The following DAB1 variants were observed in gnomAD, a reference collection of about 807,000 sequenced individuals.
DAB1 encodes DAB adaptor protein 1.
DAB1 carries 15 observed loss-of-function variants against 64.6 expected under a neutral mutation model. The ratio of observed to expected loss-of-function variants is 0.23; its 90% CI spans 0.16 to 0.36. The LOEUF (loss-of-function observed/expected upper bound fraction) is 0.36, where lower values mean the gene tolerates loss of function less well. DAB1 is among the 10% of genes least tolerant of loss of function. The pLI is 1.00. For missense variants in DAB1, 596 were observed against 706.7 expected (o/e 0.84, Z 1.78); for synonymous variants, 235 against 251.9 (o/e 0.93, Z 0.64).
At chr1:57,746,367 A>G (rs1164449079) in intron 6 of DAB1, among the ~76,000 whole-genome samples, 1 of 152,108 alleles carries the variant, frequency 6.6e-6, no homozygotes, top group African/African-American at 2.4e-5. Context: ...CTTCACCAAC[A>G]CTTGATCTTG....
At chr1:57,312,076 T>C (rs541111082) in intron 1 of DAB1, among the ~76,000 whole-genome samples, 28 of 152,336 alleles carry the variant, frequency 1.8e-4, no homozygotes, top group African/African-American at 6.5e-4. Flanking sequence ...TGACTGTTGT[T>C]ACTCTCTGTC....
intron 8 of DAB1, 25 bp downstream of exon 8, chr1:57,069,335 G>C (rs367833271): frequency 6.3e-7 from 1 of 1,592,650 alleles, no homozygotes; most frequent in African/African-American, 1.3e-5. Flanking sequence ...TGGTGCAATG[G>C]TAAGAGAGGC....
intron 3 of DAB1, among the ~76,000 whole-genome samples, chr1:58,459,366 A>C (rs1645221377): frequency 6.6e-6 from 1 of 152,218 alleles, no homozygotes; most frequent in South Asian, 2.1e-4. Flanking sequence ...TGGGCTGTGT[A>C]ATCTGAAAGC....
In DAB1 at chr1:56,996,753, T is replaced by A. The variant is rs142218510; in HGVS notation, c.*1391A>T. 5 of 152,470 alleles carry A rather than the reference T, an allele frequency of 3.3e-5. No individual in the cohort carries two copies. In the East Asian group the frequency reaches 9.6e-4, roughly 29 times the overall value. 9.4% of individuals were successfully genotyped at this position (152,470 alleles called of 1,614,324 possible). A position where few individuals can be genotyped will look rare whatever the true frequency, so the allele number is the denominator to read the frequency against. On this transcript the variant is annotated 3_prime_UTR_variant, in exon 15 of 15. Coordinates refer to ENST00000371236, the MANE Select transcript of DAB1 (RefSeq NM_001365792.1). ...CCCTGCACTCCAGCTTCCTACCATA[T>A]GCTCCAGAATAACGTCTGGAAAGTG...
intron 7 of DAB1, among the ~76,000 whole-genome samples, chr1:57,642,145 C>G (rs968449578): frequency 1.3e-5 from 2 of 151,640 alleles, no homozygotes; most frequent in African/African-American, 4.9e-5. Flanking sequence ...AATAAAGATG[C>G]AAAACAAACA....
At chr1:58,285,823 T>A (rs1270136192) in intron 4 of DAB1, among the ~76,000 whole-genome samples, 1 of 152,140 alleles carries the variant, frequency 6.6e-6, no homozygotes, top group Non-Finnish European at 1.5e-5. Context: ...TATTTTAAAA[T>A]TAATATGGAA....
intron 3 of DAB1, among the ~76,000 whole-genome samples, chr1:57,142,643 C>G (rs1261104177): frequency 6.6e-6 from 1 of 150,878 alleles, no homozygotes; most frequent in Non-Finnish European, 1.5e-5. Context: ...CACACACACA[C>G]ACACACGGTT....
intron 6 of DAB1, among the ~76,000 whole-genome samples, chr1:57,754,069 A>G (rs528770795): frequency 6.6e-6 from 1 of 152,312 alleles, no homozygotes; most frequent in South Asian, 2.1e-4. Flanking sequence ...ATGAGAGCTT[A>G]TCTCATCCTC....
chr1:58,102,851 G>T (rs1344287328), intron 5 of DAB1, among the ~76,000 whole-genome samples: 3 of 152,184 alleles, frequency 2.0e-5, no homozygotes, highest in Non-Finnish European at 4.4e-5. Flanking sequence ...ATGCAGAGTA[G>T]AATTTTACAG....
intron 3 of DAB1, among the ~76,000 whole-genome samples, chr1:58,453,478 C>T (rs1299842489): frequency 3.3e-5 from 5 of 152,236 alleles, no homozygotes; most frequent in African/African-American, 1.2e-4. Context: ...TCCTTCACTC[C>T]TGTCAGCCTA....
In DAB1 at chr1:58,254,662, C is replaced by G. The variant is rs187884914; in HGVS notation, n.309+88690G>C. 7.4e-4 allele frequency among the ~76,000 whole-genome samples: 33 copies of G among 44,776 alleles called. 4 individuals are homozygous for G. Among genetic ancestry groups the G allele is most frequent in the East Asian group, 1.5e-3 (1 of 670 alleles). The allele number at this position is 44,776 out of a possible 152,430, so 29.4% of individuals were successfully genotyped here. ...TGCGGTGTTTGGTTTTTTGTTCTTG[C>G]ATAGTTTACTGAGAATGATGGTTTC... On this transcript the variant is annotated intron_variant and non_coding_transcript_variant, in intron 4 of 20. Transcript: ENST00000485760.
intron 5 of DAB1, among the ~76,000 whole-genome samples, chr1:58,125,585 G>C (rs1653015724): frequency 6.6e-6 from 1 of 151,862 alleles, no homozygotes; most frequent in Non-Finnish European, 1.5e-5. Context: ...GGGACTACAG[G>C]AGCATGCCAC....
chr1:57,690,694 ATT>A (rs988446558), intron 6 of DAB1, among the ~76,000 whole-genome samples: 2 of 152,090 alleles, frequency 1.3e-5, no homozygotes, highest in African/African-American at 4.8e-5. Flanking sequence ...TGGTAGCCCG[ATT>A]TTTAGTTTTT....
intron 5 of DAB1, among the ~76,000 whole-genome samples, chr1:58,013,577 G>C (rs1408687856): frequency 2.6e-5 from 4 of 152,154 alleles, no homozygotes; most frequent in African/African-American, 9.7e-5. Flanking sequence ...AGAGTCTGTT[G>C]GACAGTAAAT....
chr1:57,213,344 T>C (rs1387900512), intron 2 of DAB1, among the ~76,000 whole-genome samples: 1 of 152,212 alleles, frequency 6.6e-6, no homozygotes, highest in African/African-American at 2.4e-5. Context: ...GTATTTTGCA[T>C]GTACTACACA....
In DAB1 at chr1:58,269,149, T is replaced by C. The variant is rs1262123868; in HGVS notation, n.309+74203A>G. On this transcript the variant is annotated intron_variant and non_coding_transcript_variant, in intron 4 of 20. Coordinates refer to the DAB1 transcript ENST00000485760. The stretch of plus-strand genomic sequence containing the variant: ...ATCTAGCATTAGGTATATCTCCCAA[T>C]GCTATCCCTCCCCCCTCCCCCGACC... Among the ~76,000 whole-genome samples, 6 of 146,094 alleles carry C rather than the reference T, an allele frequency of 4.1e-5. No homozygotes were observed. The East Asian group carries it at 1.3e-3, about 31-fold the overall frequency.
chr1:58,089,772 C>T (rs985703331), intron 5 of DAB1, among the ~76,000 whole-genome samples: 3 of 152,196 alleles, frequency 2.0e-5, no homozygotes, highest in Non-Finnish European at 2.9e-5. Context: ...AAAGAAGGGG[C>T]ACTCTACATA....
At chr1:57,920,307 C>A (rs12091892) in intron 5 of DAB1, among the ~76,000 whole-genome samples, 3,152 of 152,128 alleles carry the variant, frequency 0.021, 115 homozygotes, top group African/African-American at 0.073. Flanking sequence ...TAAGTGTGGG[C>A]TTGGAAAAGC....
chr1:58,520,490 T>G (rs1372084781), intron 2 of DAB1, among the ~76,000 whole-genome samples: 1 of 152,082 alleles, frequency 6.6e-6, no homozygotes, highest in Non-Finnish European at 1.5e-5. Context: ...TATAAATAAT[T>G]ACAAATAAGA....
Sources: gnomAD v4.1 joint callset for allele counts (sites outside exome capture counted in the v4.1 genomes callset) on GRCh38, gnomAD v4.1.1 for gene constraint, MANE v1.5 for transcripts, NCBI Gene and HGNC (gene_info 2026-07-23, HGNC 2026-07-21) for gene names.